Variants in RNF207 observed in about 807,000 individuals in gnomAD.
RNF207 encodes OTTHUMG00000001089.
RNF207 carries 72 observed loss-of-function variants against 79.0 expected under a neutral mutation model. The ratio of observed to expected loss-of-function variants is 0.91; its 90% CI spans 0.75 to 1.11. The LOEUF is 1.11. Among genes scored for constraint, RNF207 ranks in the 50% least tolerant of loss-of-function variants. RNF207 has a pLI of 0.00. For missense variants in RNF207, 936 were observed against 855.8 expected, an observed-to-expected ratio of 1.09 and a Z score of -1.17; for synonymous variants, 348 against 366.2, an observed-to-expected ratio of 0.95 and a Z score of 0.57.
chr1:6,215,761 C>T, intron 16 of RNF207, among the ~76,000 whole-genome samples: 1 of 152,206 alleles, frequency 6.6e-6, no homozygotes, highest in East Asian at 1.9e-4. Flanking sequence ...CTCCCAGGTT[C>T]AATCGATTCT....
chr1:6,206,761 C>T (rs774121389), intron 2 of RNF207, 35 bp downstream of exon 2: 22 of 1,568,610 alleles, frequency 1.4e-5, no homozygotes, highest in Non-Finnish European at 1.8e-5. Flanking sequence ...ACCCCCCAGA[C>T]CCCATCCCCC....
chr1:6,218,734 T>C (rs929660071), intron 17 of RNF207, among the ~76,000 whole-genome samples: 1 of 152,100 alleles, frequency 6.6e-6, no homozygotes, highest in African/African-American at 2.4e-5. Flanking sequence ...TGCGCCCCAG[T>C]ACCTGCCAGA....
intron 15 of RNF207, 41 bp from the exon 16 acceptor site, chr1:6,213,025 C>A: frequency 7.5e-7 from 1 of 1,332,100 alleles, no homozygotes; most frequent in Non-Finnish European, 1.1e-6. Context: ...AAGCCAGATG[C>A]TTCAGGATTA....
Position 6,211,920 on chromosome 1 carries a change from C to T in RNF207, c.1163C>T (p.Pro388Leu). 6.4e-7 allele frequency: 1 copy of T among 1,551,478 alleles called. No individual in the cohort carries two copies. The highest frequency in any genetic ancestry group is 8.7e-7 in the Non-Finnish European group (1 of 1,147,586). The change falls in exon 13 of 18, where the codon CCA becomes CTA. Residue 388 changes from proline (P) to leucine (L), a missense_variant. By Grantham distance (98) the Pro-to-Leu change is moderately conservative. Coordinates refer to ENST00000377939, the MANE Select transcript of RNF207 (RefSeq NM_207396.3). This position sits in a 1 kb window ranked among gnomAD's most constrained non-coding sequence, Gnocchi z 4.2. Reference sequence around the variant, plus strand: ...CTGACGGGGCCCCACTGCCCCTCCCCAGTAGGAAAGATGTCGGGGTCACCC... The same window carrying T: ...CTGACGGGGCCCCACTGCCCCTCCCTAGTAGGAAAGATGTCGGGGTCACCC... Reference protein sequence around the residue: ...KALTGPHCPSPVGKMSGSPVQ... With the variant: ...KALTGPHCPSLVGKMSGSPVQ...
chr1:6,211,845 T>A lies in RNF207; in HGVS notation c.1110-22T>A, dbSNP rs1254123991. ...GGGCAGACTTCCCCACCCCCCTGCA[T>A]CCACACTGGCTCTCTCCCCAGGCTG... is the stretch of plus-strand genomic sequence containing the variant. On this transcript the variant is annotated intron_variant, in intron 12 of 17. Coordinates refer to ENST00000377939, the MANE Select transcript of RNF207 (RefSeq NM_207396.3). The surrounding 1 kb of genome is among the most constrained non-coding windows in gnomAD (Gnocchi z 4.2). 2 of 1,540,002 alleles carry A rather than the reference T, an allele frequency of 1.3e-6. No homozygotes were observed. The highest frequency in any genetic ancestry group is 8.8e-7 in the Non-Finnish European group (1 of 1,140,568).
chr1:6,220,910 G>A lies in RNF207; in HGVS notation c.*1503G>A, dbSNP rs768498199. On this transcript the variant is annotated 3_prime_UTR_variant, in exon 18 of 18. Transcript: ENST00000377939. The stretch of plus-strand genomic sequence containing the variant: ...AGTGATTAACAGCAAATGGGTCTAC[G>A]TGCTAACATGGCAGCACATTCAACA... The A allele has an allele frequency of 7.2e-5, 11 of 152,154 alleles. No individual in the cohort carries two copies. Among genetic ancestry groups the A allele is most frequent in the African/African-American group, 1.9e-4 (8 of 41,446 alleles). 9.4% of individuals were successfully genotyped at this position (152,154 alleles called of 1,614,324 possible). A position where few individuals can be genotyped will look rare whatever the true frequency, so the allele number is the denominator to read the frequency against.
Position 6,217,746 on chromosome 1 carries a change from G to A in RNF207, c.1653-543G>A, listed in dbSNP as rs928223303. On this transcript the variant is annotated intron_variant, in intron 16 of 17. Coordinates refer to ENST00000377939, the MANE Select transcript of RNF207 (RefSeq NM_207396.3). This position sits in a 1 kb window ranked among gnomAD's most constrained non-coding sequence, Gnocchi z 4.2. ...GGCCAACCCTCCTACCCCTCCAGCC[G>A]CCATGAAGCCAGGAGTCCTTTAGAA... 6.6e-6 allele frequency among the ~76,000 whole-genome samples: 1 copy of A among 152,026 alleles called. No homozygotes were observed. Among genetic ancestry groups the A allele is most frequent in the Non-Finnish European group, 1.5e-5 (1 of 68,010 alleles).
At chr1:6,215,472 A>G (rs1194279921) in intron 16 of RNF207, among the ~76,000 whole-genome samples, 1 of 150,874 alleles carries the variant, frequency 6.6e-6, no homozygotes, top group Non-Finnish European at 1.5e-5. Flanking sequence ...AAGCCTCTTT[A>G]TCTTCCATTA....
chr1:6,216,515 T>G (rs1244010235), intron 16 of RNF207, among the ~76,000 whole-genome samples: 1 of 150,718 alleles, frequency 6.6e-6, no homozygotes, highest in Non-Finnish European at 1.5e-5. Context: ...GGTCCAGGCC[T>G]CCTCCCTTGG....
At chr1:6,218,469 C>A in intron 17 of RNF207, 100 bp downstream of exon 17, 2 of 857,756 alleles carry the variant, frequency 2.3e-6, no homozygotes, top group Non-Finnish European at 3.7e-6. Flanking sequence ...TTGGCGCCAG[C>A]TCTGGGGCCC....
Position 6,207,444 on chromosome 1 carries a change from T to C in RNF207, c.257T>C (p.Val86Ala), listed in dbSNP as rs756511425. The C allele has an allele frequency of 1.0e-5, 16 of 1,569,114 alleles. 1 individual carries two copies. In the South Asian group the frequency reaches 1.9e-4, roughly 19 times the overall value. ...PPVDRLLQFL[V>A]DSSGDGVEAV... The stretch of plus-strand genomic sequence containing the variant: ...GTGGACCGGCTGCTGCAGTTCCTGG[T>C]GGACAGCTCAGGGGATGGCGTGGAG... The change falls in exon 3 of 18, where the codon GTG becomes GCG. Residue 86 changes from valine to alanine, a missense_variant. By Grantham distance (64) the Val-to-Ala change is moderately conservative. Coordinates refer to ENST00000377939, the MANE Select transcript of RNF207 (RefSeq NM_207396.3). This position sits in a 1 kb window ranked among gnomAD's most constrained non-coding sequence, Gnocchi z 4.5.
chr1:6,212,592 G>A, intron 14 of RNF207, 90 bp from the exon 15 acceptor site: 1 of 1,317,232 alleles, frequency 7.6e-7, no homozygotes, highest in Non-Finnish European at 1.1e-6. Flanking sequence ...GCTGGGGGGT[G>A]CTTTGTAGAT....
Position 6,209,149 on chromosome 1 carries a change from C to G in RNF207, c.504C>G (p.Thr168=), listed in dbSNP as rs1476813713. ...LHAEPYLLFS[T]DKKLLLCIRC... Reference sequence around the variant, plus strand: ...CAGAGCCCTACCTCTTGTTCTCCACCGACAAGAAGTTGCTGTTGTGCATCC... The same window carrying G: ...CAGAGCCCTACCTCTTGTTCTCCACGGACAAGAAGTTGCTGTTGTGCATCC... Residue 168 remains threonine, a synonymous_variant, in exon 5 of 18, where the codon ACC becomes ACG. Coordinates refer to ENST00000377939, the MANE Select transcript of RNF207 (RefSeq NM_207396.3). 1.9e-6 allele frequency: 3 copies of G among 1,558,028 alleles called. No individual in the cohort carries two copies. Among genetic ancestry groups the G allele is most frequent in the African/African-American group, 2.7e-5 (2 of 73,608 alleles).
At chr1:6,215,169 C>A (rs560343738) in intron 16 of RNF207, among the ~76,000 whole-genome samples, 23 of 151,772 alleles carry the variant, frequency 1.5e-4, no homozygotes, top group Admixed American at 1.2e-3. Flanking sequence ...GCTGGGATTA[C>A]AGGCATGCGC....
chr1:6,217,154 C>T lies in RNF207; in HGVS notation c.1653-1135C>T, dbSNP rs1050231638. Among the ~76,000 whole-genome samples the T allele has an allele frequency of 6.6e-6, 1 of 152,130 alleles. No homozygotes were observed. The highest frequency in any genetic ancestry group is 2.4e-5 in the African/African-American group (1 of 41,430). On this transcript the variant is annotated intron_variant, in intron 16 of 17. Coordinates refer to ENST00000377939, the MANE Select transcript of RNF207 (RefSeq NM_207396.3). The surrounding 1 kb of genome is among the most constrained non-coding windows in gnomAD (Gnocchi z 4.2). Reference sequence around the variant, plus strand: ...AAAATGCTGGGATTATAGACGTGACCGTGCCTAGCCATGTTAGTCTTCAGT... The same window carrying T: ...AAAATGCTGGGATTATAGACGTGACTGTGCCTAGCCATGTTAGTCTTCAGT...
rs1267082399 is a variant in RNF207 at position 6,219,806 on chromosome 1, G to A, written c.*399G>A. 6.7e-6 allele frequency: 1 copy of A among 150,012 alleles called. No homozygotes were observed. The highest frequency in any genetic ancestry group is 1.5e-5 in the Non-Finnish European group (1 of 68,098). 9.3% of individuals were successfully genotyped at this position (150,012 alleles called of 1,614,324 possible). A position where few individuals can be genotyped will look rare whatever the true frequency, so the allele number is the denominator to read the frequency against. On this transcript the variant is annotated 3_prime_UTR_variant, in exon 18 of 18. Transcript: ENST00000377939. Reference sequence around the variant, plus strand: ...ACCGCGCCTGGCCAATGTTGTTGTTGTTTTTAAGACAGAATTTCACTCTTT... The same window carrying A: ...ACCGCGCCTGGCCAATGTTGTTGTTATTTTTAAGACAGAATTTCACTCTTT...
chr1:6,211,440 C>T lies in RNF207; in HGVS notation c.1109+322C>T, dbSNP rs1197867536. On this transcript the variant is annotated intron_variant, in intron 12 of 17. Coordinates refer to ENST00000377939, the MANE Select transcript of RNF207 (RefSeq NM_207396.3). The surrounding 1 kb of genome is among the most constrained non-coding windows in gnomAD (Gnocchi z 4.2). ...GTGGGGCGCCTGGGGCTGGGCTGAC[C>T]GCCACCTAGGTGGCCTGAGGTCATA... 2.0e-5 allele frequency among the ~76,000 whole-genome samples: 3 copies of T among 152,062 alleles called. No homozygotes were observed. Among genetic ancestry groups the T allele is most frequent in the Non-Finnish European group, 2.9e-5 (2 of 68,006 alleles).
Position 6,218,340 on chromosome 1 carries a change from C to T in RNF207, c.1704C>T (p.Asp568=), listed in dbSNP as rs752277593. The change falls in exon 17 of 18, where the codon GAC becomes GAT. Residue 568 remains aspartate (D), a synonymous_variant. Coordinates refer to ENST00000377939, the MANE Select transcript of RNF207 (RefSeq NM_207396.3). The part of the protein sequence containing the change: ...EQSESLQNTH[D]DSRNNAASAR... ...CAGAGAGTCTACAGAACACGCACGA[C>T]GACAGCAGGAACAACGCGGCCTCAG... The T allele has an allele frequency of 1.3e-4, 209 of 1,613,836 alleles. No individual in the cohort carries two copies. The highest frequency in any genetic ancestry group is 1.6e-4 in the Middle Eastern group (1 of 6,082).
In RNF207 at chr1:6,209,501, G is replaced by A. The variant is rs1668067053; in HGVS notation, c.715G>A (p.Glu239Lys). The A allele has an allele frequency of 2.0e-6, 3 of 1,477,628 alleles. No individual in the cohort carries two copies. The highest frequency in any genetic ancestry group is 2.7e-5 in the Admixed American group (1 of 37,496). 91.5% of individuals were successfully genotyped at this position (1,477,628 alleles called of 1,614,324 possible). A position where few individuals can be genotyped will look rare whatever the true frequency, so the allele number is the denominator to read the frequency against. Residue 239 changes from glutamate to lysine, a missense_variant, in exon 7 of 18, where the codon GAG becomes AAG. Glu to Lys is a moderately conservative substitution (Grantham distance 56). Coordinates refer to ENST00000377939, the MANE Select transcript of RNF207 (RefSeq NM_207396.3). ...GGAGGTGCGGCACAGCGCCGCCGAG[G>A]AGGAGGACGCTATCCACGCCCTCTT... is the stretch of plus-strand genomic sequence containing the variant. The part of the protein sequence containing the change: ...VEEVRHSAAE[E>K]EDAIHALFGS...
Sources: allele counts gnomAD v4.1 joint callset (sites outside exome capture counted in the v4.1 genomes callset), GRCh38; gene constraint gnomAD v4.1.1; non-coding constraint Gnocchi (gnomAD v3.1); transcripts MANE v1.5; gene names NCBI Gene and HGNC (gene_info 2026-07-23, HGNC 2026-07-21).